Variants in TBC1D4 observed in about 807,000 individuals in gnomAD.
TBC1D4 encodes TBC1 domain family member 4.
In TBC1D4, 121 loss-of-function variants were observed where a neutral mutation model predicts 142.5. The ratio of observed to expected loss-of-function variants is 0.85; its 90% confidence interval spans 0.73 to 0.99. The LOEUF is 0.99. Ranked by LOEUF, TBC1D4 falls within the 50% of genes least tolerant of loss-of-function variation. The pLI is 0.00. For synonymous variants in TBC1D4, 630 were observed against 628.2 expected, an observed-to-expected ratio of 1.00 and a Z score of -0.04; for missense variants, 1,475 against 1,606.6, an observed-to-expected ratio of 0.92 and a Z score of 1.40.
intron 1 of TBC1D4, among the ~76,000 whole-genome samples, chr13:75,442,102 A>T (rs1410837984): frequency 6.6e-6 from 1 of 152,240 alleles, no homozygotes; most frequent in Non-Finnish European, 1.5e-5. Context: ...TATACTATGT[A>T]TGTACTCTTT....
Position 75,299,503 on chromosome 13 carries a change from G to A in TBC1D4, c.2983C>T (p.Leu995=), listed in dbSNP as rs773034902. Residue 995 remains leucine (L), a synonymous_variant, in exon 17 of 21, where the codon CTG becomes TTG. Coordinates refer to ENST00000377636, the MANE Select transcript of TBC1D4 (RefSeq NM_014832.5). ...GPGQLSLFNL[L]KAYSLLDKEV... is the part of the protein sequence containing the mutation. ...TTGTCCAGCAAAGAATAGGCTTTCA[G>A]GAGGTTAAACAGTGACAGCTGTCCT... The A allele has an allele frequency of 4.9e-5, 79 of 1,614,072 alleles. No homozygotes were observed. The Admixed American group carries it at 1.3e-3, about 27-fold the overall frequency.
intron 15 of TBC1D4, among the ~76,000 whole-genome samples, chr13:75,305,364 G>A (rs1309202828): frequency 6.6e-6 from 1 of 152,168 alleles, no homozygotes; most frequent in Non-Finnish European, 1.5e-5. Flanking sequence ...TAAGAAATAG[G>A]AAGATAAGCA....
intron 15 of TBC1D4, among the ~76,000 whole-genome samples, chr13:75,304,995 G>C (rs1400861697): frequency 6.6e-6 from 1 of 152,290 alleles, no homozygotes; most frequent in Non-Finnish European, 1.5e-5. Context: ...ATCTTGAACT[G>C]TAGCTCCCAT....
At chr13:75,368,781 G>C (rs1342010026) in intron 1 of TBC1D4, among the ~76,000 whole-genome samples, 1 of 152,194 alleles carries the variant, frequency 6.6e-6, no homozygotes, top group Non-Finnish European at 1.5e-5. Flanking sequence ...GGTCACACCT[G>C]TAATCCCAGC....
chr13:75,284,065 T>C lies in TBC1D4; in HGVS notation c.*2727A>G, dbSNP rs1874482542. 6.6e-6 allele frequency among the ~76,000 whole-genome samples: 1 copy of C among 152,088 alleles called. No homozygotes were observed. Among genetic ancestry groups the C allele is most frequent in the Non-Finnish European group, 1.5e-5 (1 of 68,024 alleles). On this transcript the variant is annotated 3_prime_UTR_variant, in exon 21 of 21. Transcript: ENST00000377636. The stretch of plus-strand genomic sequence containing the variant: ...TGCCTCTCCTACTCTCCTGAGTAGC[T>C]GAGATTACAGATGCACACCACCACG...
At position 75,299,335 on chromosome 13, in the gene TBC1D4, G is replaced by A; in HGVS notation, c.3151C>T (p.Leu1051=). 1.2e-6 allele frequency: 2 copies of A among 1,614,110 alleles called. No homozygotes were observed. Among genetic ancestry groups the A allele is most frequent in the South Asian group, 1.1e-5 (1 of 91,090 alleles). The change falls in exon 17 of 21, where the codon CTG becomes TTG. Residue 1051 remains leucine (L), a synonymous_variant. Transcript: ENST00000377636. ...GGGAAGCACAAGTGCCTCACCTGCA[G>A]CGACATCATGTCAGGTCTGTACTGC... ...RKQYRPDMMS[L]QIQMYQLSRL...
At chr13:75,397,350 T>C (rs1471189393) in intron 1 of TBC1D4, among the ~76,000 whole-genome samples, 2 of 152,032 alleles carry the variant, frequency 1.3e-5, no homozygotes, top group Non-Finnish European at 2.9e-5. Flanking sequence ...TGATATCAAT[T>C]TAAACAACAC....
intron 1 of TBC1D4, among the ~76,000 whole-genome samples, chr13:75,392,235 C>G (rs565853797): frequency 4.6e-5 from 7 of 152,268 alleles, no homozygotes; most frequent in African/African-American, 1.7e-4. Context: ...AAAATGCACA[C>G]AAAATAAATG....
At chr13:75,302,510 A>T in intron 15 of TBC1D4, 109 bp from the exon 16 acceptor site, 1 of 1,241,888 alleles carries the variant, frequency 8.1e-7, no homozygotes, top group Non-Finnish European at 1.2e-6. Flanking sequence ...TATGTACTGC[A>T]TGCCACCCTA....
chr13:75,466,625 C>T (rs1888179023), intron 1 of TBC1D4, among the ~76,000 whole-genome samples: 1 of 152,094 alleles, frequency 6.6e-6, no homozygotes, highest in East Asian at 1.9e-4. Context: ...GTAATCCCAG[C>T]ACTTTGGGAG....
At chr13:75,452,933 G>C (rs1887589870) in intron 1 of TBC1D4, among the ~76,000 whole-genome samples, 1 of 152,004 alleles carries the variant, frequency 6.6e-6, no homozygotes, top group African/African-American at 2.4e-5. Flanking sequence ...GCGTCTCGAG[G>C]GCCTAGGGCT....
At chr13:75,381,359 T>C (rs1002238848) in intron 1 of TBC1D4, among the ~76,000 whole-genome samples, 1 of 152,192 alleles carries the variant, frequency 6.6e-6, no homozygotes, top group Non-Finnish European at 1.5e-5. Context: ...GAAATAACTA[T>C]ACCTGGCTTT....
At chr13:75,402,663 A>G (rs1023720688) in intron 1 of TBC1D4, among the ~76,000 whole-genome samples, 4 of 133,758 alleles carry the variant, frequency 3.0e-5, no homozygotes, top group Non-Finnish European at 4.5e-5. Flanking sequence ...AAACACACAC[A>G]CACACACACA....
chr13:75,400,630 T>C (rs534618957), intron 1 of TBC1D4, among the ~76,000 whole-genome samples: 16 of 34,926 alleles, frequency 4.6e-4, no homozygotes, highest in African/African-American at 1.1e-3. Context: ...GCTAATTTTT[T>C]GTATTTTTTT....
chr13:75,388,355 G>A (rs1371047551), intron 1 of TBC1D4, among the ~76,000 whole-genome samples: 1 of 152,142 alleles, frequency 6.6e-6, no homozygotes, highest in Non-Finnish European at 1.5e-5. Context: ...TCAAAAAATT[G>A]TGCAAATGCT....
chr13:75,416,490 CCT>C (rs1885922811), intron 1 of TBC1D4, among the ~76,000 whole-genome samples: 1 of 152,132 alleles, frequency 6.6e-6, no homozygotes. Context: ...ACATCAGCCC[CCT>C]CTCATTTCCA....
chr13:75,411,073 G>A (rs925629740), intron 1 of TBC1D4, among the ~76,000 whole-genome samples: 3 of 149,030 alleles, frequency 2.0e-5, no homozygotes, highest in African/African-American at 7.5e-5. Flanking sequence ...AGATAAAAAA[G>A]CCGAAAGAAC....
At chr13:75,398,573 C>T (rs1244474460) in intron 1 of TBC1D4, among the ~76,000 whole-genome samples, 1 of 152,178 alleles carries the variant, frequency 6.6e-6, no homozygotes, top group South Asian at 2.1e-4. Context: ...GGAAGTATAA[C>T]TGGCTTCCTT....
At chr13:75,419,076 A>AACACAC (rs138018078) in intron 1 of TBC1D4, among the ~76,000 whole-genome samples, 2 of 150,072 alleles carry the variant, frequency 1.3e-5, no homozygotes, top group South Asian at 4.2e-4. Flanking sequence ...CACACACACA[A>AACACAC]ACACACACAC....
Sources: gnomAD v4.1 joint callset for allele counts (sites outside exome capture counted in the v4.1 genomes callset) on GRCh38, gnomAD v4.1.1 for gene constraint, MANE v1.5 for transcripts, NCBI Gene and HGNC (gene_info 2026-07-23, HGNC 2026-07-21) for gene names.